The following PARP10 variants were observed in gnomAD, a reference collection of about 807,000 sequenced individuals.
The protein encoded by PARP10 is poly(ADP-ribose) polymerase family member 10, also known as protein mono-ADP-ribosyltransferase PARP10.
Under a neutral mutation model 82.4 loss-of-function variants are expected in PARP10, and 56 were observed. That is an observed-to-expected ratio of 0.68 (90% CI 0.55 to 0.85). The LOEUF (loss-of-function observed/expected upper bound fraction) is 0.85, where lower values mean the gene tolerates loss of function less well. PARP10 is among the 40% of genes least tolerant of loss of function. The pLI is 0.00. For synonymous variants in PARP10, 576 were observed against 601.1 expected (o/e 0.96, Z 0.61); for missense variants, 1,227 against 1,379.4 (o/e 0.89, Z 1.75).
At chr8:144,000,875 C>T (rs530588260) in intron 1 of PARP10, among the ~76,000 whole-genome samples, 3 of 150,268 alleles carry the variant, frequency 2.0e-5, no homozygotes, top group South Asian at 4.2e-4. Flanking sequence ...GGTGAGACCT[C>T]ATCTCTACAA....
At chr8:143,982,128 G>C (rs535157969) in intron 9 of PARP10, among the ~76,000 whole-genome samples, 1 of 152,134 alleles carries the variant, frequency 6.6e-6, no homozygotes, top group African/African-American at 2.4e-5. Context: ...CTGGTGGAGG[G>C]TGATGCTGCT....
chr8:143,985,122 T>G lies in PARP10; in HGVS notation c.880A>C (p.Thr294Pro), dbSNP rs980875301. 34 of 1,614,108 alleles carry G rather than the reference T, an allele frequency of 2.1e-5. No homozygotes were observed. The highest frequency in any genetic ancestry group is 2.8e-5 in the Non-Finnish European group (33 of 1,180,006). Residue 294 changes from threonine to proline, a missense_variant, in exon 5 of 11, where the codon ACA (threonine) becomes CCA (proline). Thr to Pro is a conservative substitution (Grantham distance 38, BLOSUM62 -1). Coordinates refer to ENST00000313028, the MANE Select transcript of PARP10 (RefSeq NM_032789.5). ...CCTGGTTCCTCGCCAGAGCCCATTGTCACAGTCCCTGCACCCTGCAGAGCC... is the reference window on the plus strand; with the variant it reads ...CCTGGTTCCTCGCCAGAGCCCATTGGCACAGTCCCTGCACCCTGCAGAGCC... The part of the protein sequence containing the change: ...VTALQGAGTV[T>P]MGSGEEPGQS...
chr8:143,981,586 G>A (rs62643710), intron 9 of PARP10, among the ~76,000 whole-genome samples: 2,134 of 9,692 alleles, frequency 0.22, 6 homozygotes, highest in Non-Finnish European at 0.26. Context: ...GGTGAAGGTG[G>A]TGGTGATGAT....
intron 9 of PARP10, among the ~76,000 whole-genome samples, chr8:143,982,573 C>T (rs1192617804): frequency 3.9e-5 from 6 of 152,252 alleles, no homozygotes; most frequent in South Asian, 2.1e-4. Flanking sequence ...GCACAAGGGA[C>T]GCATCTGTGG....
At chr8:143,980,521 C>CA (rs1313769178) in intron 9 of PARP10, among the ~76,000 whole-genome samples, 4 of 149,060 alleles carry the variant, frequency 2.7e-5, no homozygotes, top group Non-Finnish European at 5.9e-5. Context: ...GACACTGTCT[C>CA]AAAAAAATTA....
chr8:143,992,926 CCT>C (rs1834125709), upstream of PARP10: 4 of 1,181,636 alleles, frequency 3.4e-6, no homozygotes, highest in Admixed American at 4.2e-5. Flanking sequence ...CTGTACTTCC[CCT>C]CTCTCTTGTC....
At position 143,985,600 on chromosome 8, in the gene PARP10, G is replaced by A; in HGVS notation, c.485C>T (p.Thr162Ile). The change falls in exon 4 of 11, where the codon ACC becomes ATC. Residue 162 changes from threonine (T) to isoleucine (I), a missense_variant. Thr to Ile is a moderately conservative substitution (Grantham distance 89). Coordinates refer to ENST00000313028, the MANE Select transcript of PARP10 (RefSeq NM_032789.5). Reference sequence around the variant, plus strand: ...GGGAACCCGGGCCAGGGACACCAAGGTCCCCTCCAGGCCCAGATTCTGGGC... The same window carrying A: ...GGGAACCCGGGCCAGGGACACCAAGATCCCCTCCAGGCCCAGATTCTGGGC... ...EQAQNLGLEGTLVSLARVPQA... is the reference protein window; with the variant it reads ...EQAQNLGLEGILVSLARVPQA... 6.2e-7 allele frequency: 1 copy of A among 1,613,944 alleles called. No individual in the cohort carries two copies.
At chr8:143,995,095 G>A (rs1326111052), upstream of PARP10, among the ~76,000 whole-genome samples, 1 of 152,186 alleles carries the variant, frequency 6.6e-6, no homozygotes, top group African/African-American at 2.4e-5. Context: ...AGCTCCAGAG[G>A]TGTGGGACAG....
Position 143,983,052 on chromosome 8 carries a change from C to T in PARP10, c.2436G>A (p.Thr812=), listed in dbSNP as rs782431365. The T allele has an allele frequency of 1.2e-5, 19 of 1,612,298 alleles. No individual in the cohort carries two copies. Among genetic ancestry groups the T allele is most frequent in the Admixed American group, 6.7e-5 (4 of 59,996 alleles). ...CCAGGTTGTTCCAGGGCCCCTTCAGCGTCTGCCCCGCCACTGATGCATGGG... is the reference window on the plus strand; with the variant it reads ...CCAGGTTGTTCCAGGGCCCCTTCAGTGTCTGCCCCGCCACTGATGCATGGG... ...AASGPTLAGQ[T]LKGPWNNLER... The change falls in exon 9 of 11, where the codon ACG becomes ACA. Residue 812 remains threonine (T), a synonymous_variant. Coordinates refer to ENST00000313028, the MANE Select transcript of PARP10 (RefSeq NM_032789.5).
chr8:143,984,963 C>T lies in PARP10; in HGVS notation c.1039G>A (p.Glu347Lys), dbSNP rs782392862. Reference sequence around the variant, plus strand: ...CCCATGGGCATCGAGCTGACTTGCTCTGCCTGTCCCAGAGACCCCATGGGA... The same window carrying T: ...CCCATGGGCATCGAGCTGACTTGCTTTGCCTGTCCCAGAGACCCCATGGGA... ...TGPMGSLGQAEQVSSMPMGSL... is the reference protein window; with the variant it reads ...TGPMGSLGQAKQVSSMPMGSL... Residue 347 changes from glutamate to lysine, a missense_variant, in exon 5 of 11, where the codon GAG (glutamate) becomes AAG (lysine). By Grantham distance (56) the Glu-to-Lys change is moderately conservative. Coordinates refer to ENST00000313028, the MANE Select transcript of PARP10 (RefSeq NM_032789.5). 6 of 1,614,004 alleles carry T rather than the reference C, an allele frequency of 3.7e-6. No homozygotes were observed. Among genetic ancestry groups the T allele is most frequent in the Non-Finnish European group, 5.1e-6 (6 of 1,180,008 alleles).
intron 1 of PARP10, among the ~76,000 whole-genome samples, chr8:144,000,663 A>C (rs755938731): frequency 9.2e-5 from 14 of 152,166 alleles, no homozygotes; most frequent in Non-Finnish European, 1.8e-4. Context: ...ACCTAGTGTA[A>C]CACTGATACC....
intron 7 of PARP10, 89 bp downstream of exon 7, chr8:143,983,919 T>A: frequency 6.8e-7 from 1 of 1,480,140 alleles, no homozygotes. Context: ...CTAAGATGGG[T>A]CAGTAGACAG....
chr8:143,995,669 G>C (rs1439017121), upstream of PARP10, among the ~76,000 whole-genome samples: 1 of 152,040 alleles, frequency 6.6e-6, no homozygotes, highest in Admixed American at 6.6e-5. Context: ...AGCTGTCCTG[G>C]CACTCACAGA....
chr8:143,995,482 C>T (rs1834158154), upstream of PARP10, among the ~76,000 whole-genome samples: 3 of 152,156 alleles, frequency 2.0e-5, no homozygotes, highest in South Asian at 6.2e-4. Context: ...AGTCCGAGTA[C>T]GTGGTGATGT....
rs782380247 is a variant in PARP10 at position 143,986,239 on chromosome 8, A to G, written c.3-6T>C. On this transcript the variant is annotated splice_region_variant and splice_polypyrimidine_tract_variant and intron_variant, in intron 1 of 10. Transcript: ENST00000313028. ...CTGCCTCCGCCATTGCAACCCTGGG[A>G]CGGGGCATCAGGTGGGTAGGGAAAC... is the stretch of plus-strand genomic sequence containing the variant. 17 of 1,613,782 alleles carry G rather than the reference A, an allele frequency of 1.1e-5. No individual in the cohort carries two copies. In the Admixed American group the frequency reaches 2.7e-4, roughly 25 times the overall value.
Position 143,985,561 on chromosome 8 carries a change from A to T in PARP10, c.524T>A (p.Val175Glu). Reference sequence around the variant, plus strand: ...AGAGGCACCATCCCCCACCACACGCACCGCTCGGGCCTGGGGAACCCGGGC... The same window carrying T: ...AGAGGCACCATCCCCCACCACACGCTCCGCTCGGGCCTGGGGAACCCGGGC... ...SLARVPQARA[V>E]RVVGDGASVD... The change falls in exon 4 of 11, where the codon GTG becomes GAG. Residue 175 changes from valine (V) to glutamate (E), a missense_variant. Coordinates refer to ENST00000313028, the MANE Select transcript of PARP10 (RefSeq NM_032789.5). The T allele has an allele frequency of 6.8e-6, 11 of 1,613,766 alleles. No homozygotes were observed. The highest frequency in any genetic ancestry group is 9.3e-6 in the Non-Finnish European group (11 of 1,179,928).
In PARP10 at chr8:143,977,255, T is replaced by C; in HGVS notation, c.*229A>G. 1.8e-6 allele frequency: 1 copy of C among 547,184 alleles called. No homozygotes were observed. The highest frequency in any genetic ancestry group is 3.2e-6 in the Non-Finnish European group (1 of 314,976). 33.9% of individuals were successfully genotyped at this position (547,184 alleles called of 1,614,324 possible). On this transcript the variant is annotated 3_prime_UTR_variant, in exon 11 of 11. Transcript: ENST00000313028. The stretch of plus-strand genomic sequence containing the variant: ...GGAGCGGCGGGCGGGCGGTGTCGCC[T>C]CCTGGGCTCTGCTGACCCCTGGTGG...
In PARP10 at chr8:143,984,635, C is replaced by T. The variant is rs782814924; in HGVS notation, c.1367G>A (p.Arg456His). The T allele has an allele frequency of 6.2e-6, 10 of 1,613,936 alleles. No homozygotes were observed. Among genetic ancestry groups the T allele is most frequent in the Admixed American group, 1.7e-5 (1 of 60,004 alleles). Residue 456 changes from arginine (R) to histidine (H), a missense_variant, in exon 5 of 11, where the codon CGC becomes CAC. Physicochemically the swap from Arg to His is conservative, Grantham distance 29 (BLOSUM62 0). Coordinates refer to ENST00000313028, the MANE Select transcript of PARP10 (RefSeq NM_032789.5). ...MVLLMEPGAM[R>H]FLQLYHEDLL... ...GTCCTCATGGTAGAGCTGCAGGAAG[C>T]GCATCGCCCCTGGCTCCATCAATAG...
intron 1 of PARP10, among the ~76,000 whole-genome samples, chr8:144,005,267 G>A (rs528128893): frequency 3.3e-4 from 50 of 152,162 alleles, no homozygotes; most frequent in South Asian, 2.1e-3. Context: ...GCTGCTGAAG[G>A]TGGATGGAAA....
Sources: gnomAD v4.1 joint callset for allele counts (sites outside exome capture counted in the v4.1 genomes callset) on GRCh38, gnomAD v4.1.1 for gene constraint, MANE v1.5 for transcripts, NCBI Gene and HGNC (gene_info 2026-07-23, HGNC 2026-07-21) for gene names.